PTPRM: variants seen among roughly 807,000 people sequenced by gnomAD.
PTPRM encodes receptor-type tyrosine-protein phosphatase mu.
Under a neutral mutation model 186.7 loss-of-function variants are expected in PTPRM, and 47 were observed. The ratio of observed to expected loss-of-function variants is 0.25; its 90% confidence interval spans 0.20 to 0.32. The LOEUF is 0.32. PTPRM is among the 10% of genes least tolerant of loss of function. PTPRM has a pLI of 1.00. For missense variants in PTPRM, 1,494 were observed against 1,865.0 expected, an observed-to-expected ratio of 0.80 and a Z score of 3.66; for synonymous variants, 668 against 674.9, an observed-to-expected ratio of 0.99 and a Z score of 0.16.
intron 23 of PTPRM, among the ~76,000 whole-genome samples, chr18:8,362,630 A>G (rs2095603978): frequency 6.6e-6 from 1 of 152,114 alleles, no homozygotes; most frequent in South Asian, 2.1e-4. Context: ...ATATCCACCC[A>G]TAGAAACAGC....
At chr18:8,075,271 T>C (rs1376622369) in intron 8 of PTPRM, among the ~76,000 whole-genome samples, 2 of 152,068 alleles carry the variant, frequency 1.3e-5, no homozygotes, top group African/African-American at 4.8e-5. Context: ...TCTATCTATA[T>C]ATATATATCT....
chr18:7,636,145 G>A (rs2038306952), intron 1 of PTPRM, among the ~76,000 whole-genome samples: 1 of 151,824 alleles, frequency 6.6e-6, no homozygotes, highest in Non-Finnish European at 1.5e-5. Context: ...GCTGAACTCT[G>A]GGAGCTGGCA....
chr18:7,888,271 A>G lies in PTPRM; in HGVS notation c.362A>G (p.Asn121Ser), dbSNP rs1599301627. The change falls in exon 3 of 33, where the codon AAT (asparagine) becomes AGT (serine). Residue 121 changes from asparagine to serine, a missense_variant. Around this residue, in one of 3 missense-constraint regions of PTPRM, gnomAD observed 296 missense variants for 345.5 expected, o/e 0.86. Coordinates refer to ENST00000580170, the MANE Select transcript of PTPRM (RefSeq NM_001105244.2). ...PGLLNVYVKV[N>S]NGPLGNPIWN... Reference sequence around the variant, plus strand: ...TTACTCAATGTCTACGTGAAGGTCAATAACGGGCCACTGGGGAATCCTATC... The same window carrying G: ...TTACTCAATGTCTACGTGAAGGTCAGTAACGGGCCACTGGGGAATCCTATC... The G allele has an allele frequency of 1.9e-6, 3 of 1,614,186 alleles. No individual in the cohort carries two copies. Among genetic ancestry groups the G allele is most frequent in the African/African-American group, 1.3e-5 (1 of 75,042 alleles).
intron 2 of PTPRM, among the ~76,000 whole-genome samples, chr18:7,781,886 TC>T (rs2042873446): frequency 6.6e-6 from 1 of 152,174 alleles, no homozygotes; most frequent in African/African-American, 2.4e-5. Context: ...CTTGAATATC[TC>T]ATTCAGTTGT....
chr18:7,622,504 C>T (rs1213569624), intron 1 of PTPRM, among the ~76,000 whole-genome samples: 6 of 152,066 alleles, frequency 3.9e-5, no homozygotes, highest in African/African-American at 1.4e-4. Flanking sequence ...ATTAACAGGG[C>T]TCTTGTCTGT....
At chr18:7,607,157 T>C (rs1311730199) in intron 1 of PTPRM, among the ~76,000 whole-genome samples, 2 of 152,126 alleles carry the variant, frequency 1.3e-5, no homozygotes, top group Non-Finnish European at 2.9e-5. Context: ...AAGTTGCCAG[T>C]GTTACTGCAT....
At chr18:8,398,118 G>T (rs533617865) in intron 32 of PTPRM, among the ~76,000 whole-genome samples, 5 of 152,234 alleles carry the variant, frequency 3.3e-5, no homozygotes, top group African/African-American at 1.2e-4. Flanking sequence ...AACTAAAGGG[G>T]CATGCAACCA....
intron 2 of PTPRM, among the ~76,000 whole-genome samples, chr18:7,867,700 A>G (rs777222616): frequency 6.6e-5 from 10 of 152,228 alleles, no homozygotes; most frequent in African/African-American, 2.4e-4. Flanking sequence ...CCCGAGGACT[A>G]TCTTTGTGGT....
chr18:7,969,634 C>A lies in PTPRM; in HGVS notation c.1132+14220C>A, dbSNP rs1458077655. ...AAAATGATAAAGGGGATATCACCAC[C>A]AATCCCACAGAAATACAAACTACCA... On this transcript the variant is annotated intron_variant, in intron 7 of 32. Transcript: ENST00000580170. 1.3e-3 allele frequency among the ~76,000 whole-genome samples: 165 copies of A among 125,424 alleles called. 1 individual carries two copies. Among genetic ancestry groups the A allele is most frequent in the African/African-American group, 4.9e-3 (151 of 30,592 alleles). 82.3% of individuals were successfully genotyped at this position (125,424 alleles called of 152,430 possible).
intron 7 of PTPRM, among the ~76,000 whole-genome samples, chr18:8,023,641 G>A (rs1185712845): frequency 6.6e-6 from 1 of 152,036 alleles, no homozygotes; most frequent in African/African-American, 2.4e-5. Flanking sequence ...AATGTGAGAG[G>A]AGTCTTAAAA....
At chr18:8,402,833 T>A (rs576840306) in intron 32 of PTPRM, 11 of 152,352 alleles carry the variant, frequency 7.2e-5, no homozygotes, top group Non-Finnish European at 1.2e-4. Context: ...AATAATTTTT[T>A]CCAGTTAAAA....
chr18:7,938,771 T>G (rs755876712), intron 5 of PTPRM, among the ~76,000 whole-genome samples: 23 of 152,336 alleles, frequency 1.5e-4, no homozygotes, highest in Non-Finnish European at 2.6e-4. Flanking sequence ...TAAATTTCCA[T>G]AATCAAATTC....
At chr18:7,773,874 C>G (rs781358867) in intron 1 of PTPRM, among the ~76,000 whole-genome samples, 3 of 152,170 alleles carry the variant, frequency 2.0e-5, no homozygotes, top group Admixed American at 6.5e-5. Flanking sequence ...GCCACCATGC[C>G]CGGCCAGATC....
rs187551464 is a variant in PTPRM at position 7,957,215 on chromosome 18, T to G, written c.1132+1801T>G. Among the ~76,000 whole-genome samples the G allele has an allele frequency of 1.4e-3, 210 of 152,218 alleles. 1 individual carries two copies. Among genetic ancestry groups the G allele is most frequent in the Non-Finnish European group, 1.9e-3 (129 of 68,018 alleles). The stretch of plus-strand genomic sequence containing the variant: ...ACATTTTTGCCTTTTCTTTTGGTTT[T>G]GTGTCTGTACATCTCAGCTATTGAC... On this transcript the variant is annotated intron_variant, in intron 7 of 32. Coordinates refer to ENST00000580170, the MANE Select transcript of PTPRM (RefSeq NM_001105244.2).
At chr18:8,338,525 A>C (rs2095454149) in intron 22 of PTPRM, among the ~76,000 whole-genome samples, 1 of 152,114 alleles carries the variant, frequency 6.6e-6, no homozygotes, top group Non-Finnish European at 1.5e-5. Flanking sequence ...AGGCGGTATG[A>C]TGTAATGCAG....
intron 2 of PTPRM, among the ~76,000 whole-genome samples, chr18:7,845,955 T>C (rs918791145): frequency 6.6e-6 from 1 of 152,206 alleles, no homozygotes; most frequent in Non-Finnish European, 1.5e-5. Flanking sequence ...AGGCCTCTGC[T>C]GACCCTATTT....
At chr18:8,293,564 G>A (rs1048568002) in intron 19 of PTPRM, among the ~76,000 whole-genome samples, 6 of 152,234 alleles carry the variant, frequency 3.9e-5, no homozygotes, top group Non-Finnish European at 7.3e-5. Flanking sequence ...TTTTAGATGG[G>A]TGGAAAAGGC....
At chr18:7,887,551 A>C (rs1279618631) in intron 2 of PTPRM, among the ~76,000 whole-genome samples, 1 of 152,172 alleles carries the variant, frequency 6.6e-6, no homozygotes, top group African/African-American at 2.4e-5. Flanking sequence ...CATGACCCTA[A>C]GATGCACAGC....
intron 2 of PTPRM, among the ~76,000 whole-genome samples, chr18:7,825,125 A>G (rs1247798191): frequency 6.6e-6 from 1 of 152,182 alleles, no homozygotes; most frequent in African/African-American, 2.4e-5. Flanking sequence ...GAAATTCCCT[A>G]GGAAGAAGTG....
Sources: gnomAD v4.1 joint callset for allele counts (sites outside exome capture counted in the v4.1 genomes callset) on GRCh38, gnomAD v4.1.1 for gene constraint, gnomAD v4.1.1 regional missense constraint, MANE v1.5 for transcripts, NCBI Gene and HGNC (gene_info 2026-07-23, HGNC 2026-07-21) for gene names.